Variants in SLC9B1 observed in about 807,000 individuals in gnomAD.
SLC9B1 encodes the protein solute carrier family 9 member B1.
A neutral mutation model predicts 51.7 loss-of-function variants in SLC9B1; 32 were observed. That is an observed-to-expected ratio of 0.62 (90% CI 0.47 to 0.83). The LOEUF is 0.83. SLC9B1 is among the 40% of genes least tolerant of loss of function. The probability of loss-of-function intolerance (pLI) is 0.00; values close to 1 mark genes in which losing one functional copy is unlikely to be tolerated. For synonymous variants in SLC9B1, 145 were observed against 212.7 expected (o/e 0.68, Z 2.77); for missense variants, 406 against 613.2 (o/e 0.66, Z 3.57).
rs1197166005 is a variant in SLC9B1, at chr4:102,975,586, ATTTTTTT to A, written c.211+14207_211+14213del. Reference sequence around the variant, plus strand: ...TATACATATATATATATATATATATATTTTTTTTTTTTTTTTTTTTTTTGAGGCTGGA... The same window carrying A: ...TATACATATATATATATATATATATATTTTTTTTTTTTTTTTGAGGCTGGA... On this transcript the variant is annotated intron_variant, in intron 3 of 11. Transcript: ENST00000296422. Among the ~76,000 whole-genome samples the A allele has an allele frequency of 3.9e-3, 242 of 62,304 alleles. 1 individual carries two copies. Among genetic ancestry groups the A allele is most frequent in the African/African-American group, 0.017 (231 of 13,386 alleles). 40.9% of individuals were successfully genotyped at this position (62,304 alleles called of 152,430 possible).
intron 11 of SLC9B1, chr4:102,889,454 C>T (rs780757383): frequency 2.0e-5 from 3 of 152,176 alleles, no homozygotes; most frequent in Non-Finnish European, 4.4e-5. Context: ...CTTGTTTTCA[C>T]ACATGTTCTA....
chr4:102,956,692 G>A (rs1737831386), intron 3 of SLC9B1, among the ~76,000 whole-genome samples: 1 of 152,170 alleles, frequency 6.6e-6, no homozygotes, highest in South Asian at 2.1e-4. Context: ...CACAGCACAT[G>A]TATAGGCCAA....
chr4:102,935,706 A>G (rs1272283821), intron 6 of SLC9B1, among the ~76,000 whole-genome samples: 1 of 110,436 alleles, frequency 9.1e-6, no homozygotes, highest in African/African-American at 4.2e-5. Context: ...AATGCACAAA[A>G]TAATACTCTT....
intron 6 of SLC9B1, among the ~76,000 whole-genome samples, chr4:102,944,032 T>A (rs1047874424): frequency 1.3e-5 from 2 of 152,114 alleles, no homozygotes; most frequent in African/African-American, 4.8e-5. Context: ...ATATACACCA[T>A]AGAATAATAC....
At chr4:103,004,411 C>A (rs985777289) in intron 1 of SLC9B1, among the ~76,000 whole-genome samples, 9 of 152,116 alleles carry the variant, frequency 5.9e-5, no homozygotes, top group Non-Finnish European at 2.9e-5. Context: ...AGAATAAACA[C>A]CTCTGAGAAA....
chr4:102,979,353 C>G (rs1412611702), intron 3 of SLC9B1, among the ~76,000 whole-genome samples: 7 of 152,132 alleles, frequency 4.6e-5, no homozygotes, highest in Admixed American at 4.6e-4. Context: ...GATGAGTAAA[C>G]TCTCCTCTTT....
chr4:102,950,996 AAGAAAACAAAACAAAACAAAAC>A (rs1486676065), intron 3 of SLC9B1, among the ~76,000 whole-genome samples: 91 of 152,304 alleles, frequency 6.0e-4, no homozygotes, highest in African/African-American at 1.8e-3. Flanking sequence ...ACTCCATCTC[AAGAAAACAAAACAAAACAAAAC>A]AGAAAACAAA....
intron 7 of SLC9B1, among the ~76,000 whole-genome samples, chr4:102,913,796 TAAAAA>T (rs61244946): frequency 1.4e-5 from 1 of 71,446 alleles, no homozygotes; most frequent in Non-Finnish European, 2.8e-5. Context: ...AGATAGAAAC[TAAAAA>T]AAAAAAAAAA....
At chr4:102,935,938 G>A (rs1237240468) in intron 6 of SLC9B1, among the ~76,000 whole-genome samples, 4 of 152,162 alleles carry the variant, frequency 2.6e-5, no homozygotes, top group Admixed American at 6.5e-5. Flanking sequence ...AGGCATACCT[G>A]CTGTGTGCTG....
At chr4:102,976,647 T>C (rs1739084553) in intron 3 of SLC9B1, among the ~76,000 whole-genome samples, 1 of 152,126 alleles carries the variant, frequency 6.6e-6, no homozygotes, top group Admixed American at 6.6e-5. Flanking sequence ...AAGATGAAAT[T>C]TCAATAGGCA....
chr4:102,966,954 C>G (rs1738461364), intron 3 of SLC9B1, among the ~76,000 whole-genome samples: 1 of 152,192 alleles, frequency 6.6e-6, no homozygotes, highest in Non-Finnish European at 1.5e-5. Context: ...GCCAGGTACC[C>G]TAGTTCATCA....
chr4:102,919,591 A>G (rs1194312104), intron 7 of SLC9B1, among the ~76,000 whole-genome samples: 2 of 152,170 alleles, frequency 1.3e-5, no homozygotes, highest in African/African-American at 4.8e-5. Context: ...GGGTGAGCTG[A>G]AGCAGGGTGG....
intron 11 of SLC9B1, among the ~76,000 whole-genome samples, chr4:102,887,052 G>A (rs1208095699): frequency 1.3e-5 from 2 of 152,146 alleles, no homozygotes; most frequent in African/African-American, 2.4e-5. Flanking sequence ...CTCCACAAAT[G>A]ACCAAGAACT....
intron 11 of SLC9B1, among the ~76,000 whole-genome samples, chr4:102,903,634 T>C: frequency 1.3e-5 from 2 of 152,264 alleles, no homozygotes; most frequent in Non-Finnish European, 1.5e-5. Flanking sequence ...GCTTCTGTTT[T>C]GGAATAACAA....
chr4:102,975,256 A>T (rs3843441), intron 3 of SLC9B1, among the ~76,000 whole-genome samples: 82,046 of 150,864 alleles, frequency 0.54, 22,739 homozygotes, highest in African/African-American at 0.68. Flanking sequence ...TGATTCTTCC[A>T]CCTTGGTGCC....
Position 102,989,735 on chromosome 4 carries a change from A to G in SLC9B1, c.211+65T>C, listed in dbSNP as rs1560522374. Reference sequence around the variant, plus strand: ...GATTAAGTAGTGTCTTTGTTGTCTCATGTTTTAATATTTATCAAACATATT... The same window carrying G: ...GATTAAGTAGTGTCTTTGTTGTCTCGTGTTTTAATATTTATCAAACATATT... On this transcript the variant is annotated intron_variant, in intron 3 of 11. Coordinates refer to ENST00000296422, the MANE Select transcript of SLC9B1 (RefSeq NM_139173.4). 2.5e-5 allele frequency: 30 copies of G among 1,177,142 alleles called. No homozygotes were observed. The South Asian group carries it at 4.4e-4, about 17-fold the overall frequency. 72.9% of individuals were successfully genotyped at this position (1,177,142 alleles called of 1,614,324 possible). A position where few individuals can be genotyped will look rare whatever the true frequency, so the allele number is the denominator to read the frequency against.
intron 6 of SLC9B1, among the ~76,000 whole-genome samples, chr4:102,939,537 C>T (rs1578364032): frequency 1.3e-5 from 2 of 152,134 alleles, no homozygotes; most frequent in Non-Finnish European, 2.9e-5. Flanking sequence ...GGAAGGATCC[C>T]TCCCTAACTC....
chr4:102,963,775 C>G (rs72937431), intron 3 of SLC9B1, among the ~76,000 whole-genome samples: 4,250 of 152,068 alleles, frequency 0.028, 164 homozygotes, highest in African/African-American at 0.093. Context: ...ATACAAAAAA[C>G]CAATAACATA....
chr4:103,019,482 T>G, intron 1 of SLC9B1, 117 bp downstream of exon 1: 1 of 644,854 alleles, frequency 1.6e-6, no homozygotes, highest in Non-Finnish European at 1.9e-6. Context: ...AAGAATCCCA[T>G]TGAACTGAGG....
Sources: gnomAD v4.1 joint callset for allele counts (sites outside exome capture counted in the v4.1 genomes callset) on GRCh38, gnomAD v4.1.1 for gene constraint, MANE v1.5 for transcripts, NCBI Gene and HGNC (gene_info 2026-07-23, HGNC 2026-07-21) for gene names.